UNC80: variants seen among roughly 807,000 people sequenced by gnomAD.
The protein encoded by UNC80 is unc-80 subunit of NALCN channel complex, also known as protein unc-80 homolog.
In UNC80, 164 loss-of-function variants were observed where a neutral mutation model predicts 384.6. The ratio of observed to expected loss-of-function variants is 0.43; its 90% CI spans 0.38 to 0.49. The LOEUF is 0.49. UNC80 is among the 20% of genes least tolerant of loss of function. The pLI is 0.00. For synonymous variants in UNC80, 1,486 were observed against 1,527.8 expected, an observed-to-expected ratio of 0.97 and a Z score of 0.64; for missense variants, 3,330 against 4,143.0, an observed-to-expected ratio of 0.80 and a Z score of 5.39.
intron 28 of UNC80, among the ~76,000 whole-genome samples, chr2:209,897,575 A>T (rs968508332): frequency 4.6e-5 from 7 of 151,904 alleles, no homozygotes; most frequent in East Asian, 3.9e-4. Flanking sequence ...TAATTAATTT[A>T]AAAAAAAACT....
intron 40 of UNC80, 126 bp downstream of exon 40, chr2:209,935,934 C>G (rs930515997): frequency 3.4e-6 from 2 of 586,062 alleles, no homozygotes; most frequent in East Asian, 3.6e-5. Context: ...CTTTACTCTT[C>G]TAAAATCTGC....
intron 16 of UNC80, among the ~76,000 whole-genome samples, chr2:209,832,905 T>G (rs2081084941): frequency 6.6e-6 from 1 of 152,180 alleles, no homozygotes; most frequent in Non-Finnish European, 1.5e-5. Flanking sequence ...CCCCAAGTCT[T>G]AGGAAGCATC....
intron 48 of UNC80, among the ~76,000 whole-genome samples, chr2:209,955,993 C>A (rs2092401632): frequency 6.6e-6 from 1 of 151,844 alleles, no homozygotes. Flanking sequence ...ATCCACCCAC[C>A]TCGGCCTCCT....
In UNC80 at chr2:209,995,608, T is replaced by A; in HGVS notation, c.*13T>A. On this transcript the variant is annotated 3_prime_UTR_variant, in exon 65 of 65. Coordinates refer to ENST00000673920, the MANE Select transcript of UNC80 (RefSeq NM_001371986.1). ...GTCTCATGTTTAATTCTGTATCTTG[T>A]AAGCTCTGCAGGTATAGAGAAGACA... The A allele has an allele frequency of 6.4e-7, 1 of 1,551,386 alleles. No homozygotes were observed. Among genetic ancestry groups the A allele is most frequent in the East Asian group, 2.4e-5 (1 of 40,920 alleles).
chr2:209,930,069 A>G (rs768487075), intron 37 of UNC80, 98 bp downstream of exon 37: 14 of 580,466 alleles, frequency 2.4e-5, no homozygotes, highest in Admixed American at 2.0e-4. Flanking sequence ...ATGCAACTCA[A>G]TGCCCTCCAA....
chr2:209,939,366 T>A, intron 42 of UNC80, 106 bp from the exon 43 acceptor site: 1 of 1,213,658 alleles, frequency 8.2e-7, no homozygotes, highest in South Asian at 2.1e-5. Flanking sequence ...TTTTCCGACT[T>A]TATCAACCCA....
rs1443841272 is a variant in UNC80, at chr2:209,794,912, A to C, written c.938+1053A>C. 9.9e-6 allele frequency: 4 copies of C among 403,690 alleles called. No individual in the cohort carries two copies. In the East Asian group the frequency reaches 3.2e-4, roughly 32 times the overall value. 25.0% of individuals were successfully genotyped at this position (403,690 alleles called of 1,614,324 possible). On this transcript the variant is annotated intron_variant, in intron 7 of 64. Transcript: ENST00000673920. ...GTATTTATCAGCAGCAAGAAAATGA[A>C]CTAATATAGTAAATTGGTACCAGTA...
intron 35 of UNC80, among the ~76,000 whole-genome samples, chr2:209,922,792 A>AGTTTTT (rs374515160): frequency 0.016 from 2,354 of 151,848 alleles, 61 homozygotes; most frequent in African/African-American, 0.052. Context: ...GTGTGTCACT[A>AGTTTTT]GTTTTTGTTT....
At chr2:209,974,395 T>C (rs751134582) in intron 56 of UNC80, among the ~76,000 whole-genome samples, 19 of 152,102 alleles carry the variant, frequency 1.2e-4, no homozygotes, top group Non-Finnish European at 2.5e-4. Context: ...GAGCCCTACA[T>C]GAAGTTTAGG....
chr2:209,851,136 C>T (rs1055321586), intron 22 of UNC80, among the ~76,000 whole-genome samples: 16 of 149,260 alleles, frequency 1.1e-4, no homozygotes, highest in Admixed American at 6.6e-5. Flanking sequence ...TGTTAATTTA[C>T]AAGTTAAAAA....
intron 32 of UNC80, 96 bp downstream of exon 32, chr2:209,918,054 A>T: frequency 8.4e-7 from 1 of 1,190,116 alleles, no homozygotes; most frequent in South Asian, 1.5e-5. Context: ...GTGGCCAAAG[A>T]TATTCTTCTT....
intron 22 of UNC80, among the ~76,000 whole-genome samples, chr2:209,857,815 A>G (rs568325719): frequency 1.9e-4 from 29 of 152,256 alleles, no homozygotes; most frequent in African/African-American, 6.5e-4. Context: ...ACTCATAGGT[A>G]TCTATATATG....
rs2076591701 is a variant in UNC80 at position 209,771,856 on chromosome 2, C to T, written c.-217C>T. 1 of 550,380 alleles carries T rather than the reference C, an allele frequency of 1.8e-6. No homozygotes were observed. Among genetic ancestry groups the T allele is most frequent in the Non-Finnish European group, 3.3e-6 (1 of 299,726 alleles). The allele number at this position is 550,380 out of a possible 1,614,324, so 34.1% of individuals were successfully genotyped here. A position where few individuals can be genotyped will look rare whatever the true frequency, so the allele number is the denominator to read the frequency against. ...TGCTCCGAGCGCCCCCCTCCTCGCTCCGCGGCTCCTCCAGCCCTCCCCTCC... is the reference window on the plus strand; with the variant it reads ...TGCTCCGAGCGCCCCCCTCCTCGCTTCGCGGCTCCTCCAGCCCTCCCCTCC... On this transcript the variant is annotated 5_prime_UTR_variant, in exon 1 of 65. Coordinates refer to ENST00000673920, the MANE Select transcript of UNC80 (RefSeq NM_001371986.1).
At chr2:209,859,596 G>A (rs967899227) in intron 22 of UNC80, among the ~76,000 whole-genome samples, 1 of 152,176 alleles carries the variant, frequency 6.6e-6, no homozygotes, top group African/African-American at 2.4e-5. Flanking sequence ...AGATCCTTGA[G>A]GAATCACCAT....
intron 13 of UNC80, among the ~76,000 whole-genome samples, chr2:209,822,106 C>T (rs1238780779): frequency 6.6e-6 from 1 of 152,132 alleles, no homozygotes; most frequent in Non-Finnish European, 1.5e-5. Flanking sequence ...CTCTTTTCTT[C>T]CCAATATTTG....
At chr2:209,987,439 T>A (rs764828097) in intron 61 of UNC80, among the ~76,000 whole-genome samples, 38 of 152,224 alleles carry the variant, frequency 2.5e-4, no homozygotes, top group Non-Finnish European at 4.4e-4. Context: ...ATGGGAGAAT[T>A]CTCTTCTCTA....
chr2:209,846,132 T>C (rs1209635389), intron 21 of UNC80, among the ~76,000 whole-genome samples: 1 of 152,146 alleles, frequency 6.6e-6, no homozygotes, highest in Non-Finnish European at 1.5e-5. Context: ...TTTCTTTCTT[T>C]AAAGTTGTTA....
At chr2:209,866,525 CACACACACAGAGAG>C (rs1403140506) in intron 22 of UNC80, among the ~76,000 whole-genome samples, 20 of 110,162 alleles carry the variant, frequency 1.8e-4, no homozygotes, top group African/African-American at 9.0e-4. Context: ...CACACACACA[CACACACACAGAGAG>C]AGAGAGAGAG....
At chr2:209,783,850 G>A (rs978344788) in intron 4 of UNC80, among the ~76,000 whole-genome samples, 1 of 152,092 alleles carries the variant, frequency 6.6e-6, no homozygotes, top group African/African-American at 2.4e-5. Flanking sequence ...GATAAGATTT[G>A]CTTAATGTTA....
Sources: gnomAD v4.1 joint callset for allele counts (sites outside exome capture counted in the v4.1 genomes callset) on GRCh38, gnomAD v4.1.1 for gene constraint, MANE v1.5 for transcripts, NCBI Gene and HGNC (gene_info 2026-07-23, HGNC 2026-07-21) for gene names.